The following FBLN5 variants were observed in gnomAD, a reference collection of about 807,000 sequenced individuals.
FBLN5 encodes the protein fibulin-5.
A neutral mutation model predicts 61.6 loss-of-function variants in FBLN5; 24 were observed. The observed-to-expected ratio is 0.39, with a 90% CI of 0.28 to 0.55. The LOEUF is 0.55. FBLN5 is among the 20% of genes least tolerant of loss of function. The pLI is 0.65. For missense variants in FBLN5, 470 were observed against 594.1 expected (o/e 0.79, Z 2.17); for synonymous variants, 213 against 219.8 (o/e 0.97, Z 0.27).
chr14:91,930,613 G>C lies in FBLN5; in HGVS notation c.379+6334C>G, dbSNP rs566899791. On this transcript the variant is annotated intron_variant, in intron 4 of 10. Transcript: ENST00000342058. ...GAGTTTCAAGTTACAGACCAAGCCA[G>C]AGGACTGTATAAAAACTAAGAAAAG... 1.1e-4 allele frequency among the ~76,000 whole-genome samples: 17 copies of C among 152,326 alleles called. 1 individual carries two copies. Among genetic ancestry groups the C allele is most frequent in the African/African-American group, 4.1e-4 (17 of 41,582 alleles).
intron 9 of FBLN5, among the ~76,000 whole-genome samples, chr14:91,880,012 A>G (rs899046855): frequency 6.6e-6 from 1 of 152,216 alleles, no homozygotes; most frequent in African/African-American, 2.4e-5. Context: ...CAGGAACAGA[A>G]AGCCACTGTC....
chr14:91,875,429 T>C (rs149600048), intron 10 of FBLN5, among the ~76,000 whole-genome samples: 7 of 152,274 alleles, frequency 4.6e-5, no homozygotes, highest in Non-Finnish European at 1.0e-4. Context: ...GTATGAGACA[T>C]AGCCCCAGAA....
At position 91,882,939 on chromosome 14, in the gene FBLN5, TCCGGACAGCCTTA is replaced by T; in HGVS notation, c.862+2_862+14del. The T allele has an allele frequency of 6.2e-7, 1 of 1,613,246 alleles. No individual in the cohort carries two copies. Among genetic ancestry groups the T allele is most frequent in the Non-Finnish European group, 8.5e-7 (1 of 1,179,506 alleles). Reference sequence around the variant, plus strand: ...CACACATACACCCCAGCCAGGCCCCTCCGGACAGCCTTACCTTGGCAGCTTCGGTTGTCATCCA... The same window carrying T: ...CACACATACACCCCAGCCAGGCCCCTCCTTGGCAGCTTCGGTTGTCATCCA... On this transcript the variant is annotated splice_donor_variant and splice_donor_5th_base_variant and intron_variant, in intron 8 of 10. Transcript: ENST00000342058. LOFTEE classifies it high-confidence loss of function. This position sits in a 1 kb window ranked among gnomAD's most constrained non-coding sequence, Gnocchi z 4.9.
rs563729672 is a variant in FBLN5 at position 91,912,498 on chromosome 14, A to G, written c.380-17426T>C. 6.6e-5 allele frequency among the ~76,000 whole-genome samples: 10 copies of G among 152,196 alleles called. 1 individual carries two copies. In the South Asian group the frequency reaches 1.9e-3, roughly 28 times the overall value. ...TGTATCTACTAAAAATACAAAAATT[A>G]GCCAGGCGTGGTGGCACACACCTGT... On this transcript the variant is annotated intron_variant, in intron 4 of 10. Coordinates refer to ENST00000342058, the MANE Select transcript of FBLN5 (RefSeq NM_006329.4).
intron 10 of FBLN5, among the ~76,000 whole-genome samples, chr14:91,877,260 C>T (rs1889208413): frequency 6.6e-6 from 1 of 152,186 alleles, no homozygotes; most frequent in South Asian, 2.1e-4. Flanking sequence ...CTTGGCCTAA[C>T]TTCCCATTTC....
At chr14:91,876,641 T>G (rs1889175510) in intron 10 of FBLN5, among the ~76,000 whole-genome samples, 1 of 152,090 alleles carries the variant, frequency 6.6e-6, no homozygotes, top group African/African-American at 2.4e-5. Flanking sequence ...ATTGGAGTGA[T>G]GCAGCCACAG....
intron 4 of FBLN5, among the ~76,000 whole-genome samples, chr14:91,908,427 C>A (rs1890774263): frequency 6.6e-6 from 1 of 152,188 alleles, no homozygotes; most frequent in Non-Finnish European, 1.5e-5. Flanking sequence ...GCTTCTATCA[C>A]CCTCTCTTGG....
At chr14:91,907,673 G>C (rs994536470) in intron 4 of FBLN5, among the ~76,000 whole-genome samples, 13 of 151,982 alleles carry the variant, frequency 8.6e-5, no homozygotes, top group African/African-American at 3.1e-4. Context: ...AAAAGAGAAC[G>C]AGGAGGATAA....
intron 10 of FBLN5, among the ~76,000 whole-genome samples, chr14:91,872,051 G>T (rs1241860287): frequency 6.6e-6 from 1 of 152,122 alleles, no homozygotes; most frequent in African/African-American, 2.4e-5. Context: ...GAGAAATATT[G>T]ATCTAAAAGC....
rs572383554 is a variant in FBLN5 at position 91,904,945 on chromosome 14, G to A, written c.380-9873C>T. On this transcript the variant is annotated intron_variant, in intron 4 of 10. Coordinates refer to ENST00000342058, the MANE Select transcript of FBLN5 (RefSeq NM_006329.4). ...AACTTTATTCTCAACAATCATAGGA[G>A]GGAGGAGCATCATAGAAGGGAAAAG... Among the ~76,000 whole-genome samples the A allele has an allele frequency of 2.6e-5, 4 of 152,276 alleles. No homozygotes were observed. The East Asian group carries it at 5.8e-4, about 22-fold the overall frequency.
chr14:91,947,044 T>C lies in FBLN5; in HGVS notation c.17+169A>G. On this transcript the variant is annotated intron_variant, in intron 1 of 10. Coordinates refer to ENST00000342058, the MANE Select transcript of FBLN5 (RefSeq NM_006329.4). The surrounding 1 kb of genome is among the most constrained non-coding windows in gnomAD (Gnocchi z 4.3). ...CAAAAGAACGCTTCAAGATGGAAAT[T>C]ACAGAGGCGCAGCTTTTTATAATTA... The C allele has an allele frequency of 6.5e-7, 1 of 1,538,006 alleles. No individual in the cohort carries two copies. Among genetic ancestry groups the C allele is most frequent in the Non-Finnish European group, 8.8e-7 (1 of 1,141,136 alleles).
intron 5 of FBLN5, 66 bp downstream of exon 5, chr14:91,894,884 C>A: frequency 7.4e-7 from 1 of 1,347,274 alleles, no homozygotes; most frequent in Non-Finnish European, 9.9e-7. Flanking sequence ...TATGCCCATA[C>A]CTCAAAATGC....
intron 4 of FBLN5, among the ~76,000 whole-genome samples, chr14:91,899,693 C>T (rs1890378108): frequency 6.6e-6 from 1 of 152,232 alleles, no homozygotes; most frequent in Admixed American, 6.5e-5. Context: ...ATTTGGGAAA[C>T]TCTTTTAGGA....
chr14:91,886,567 A>G (rs1401680765), intron 7 of FBLN5, among the ~76,000 whole-genome samples: 4 of 152,244 alleles, frequency 2.6e-5, no homozygotes, highest in African/African-American at 9.6e-5. Flanking sequence ...ATAAAAGGTC[A>G]ACTAACCCAT....
At position 91,883,000 on chromosome 14, in the gene FBLN5, G is replaced by T. The variant is rs865864408; in HGVS notation, c.816C>A (p.Ser272=). 4 of 1,614,018 alleles carry T rather than the reference G, an allele frequency of 2.5e-6. No individual in the cohort carries two copies. The highest frequency in any genetic ancestry group is 2.2e-5 in the South Asian group (2 of 91,088). Residue 272 remains serine (S), a synonymous_variant, in exon 8 of 11, where the codon TCC becomes TCA. Coordinates refer to ENST00000342058, the MANE Select transcript of FBLN5 (RefSeq NM_006329.4). The surrounding 1 kb of genome is among the most constrained non-coding windows in gnomAD (Gnocchi z 4.9). ...CVNQPGTYFC[S]CPPGYILLDD... ...CCAGCAGGATGTAGCCTGGAGGGCA[G>T]GAGCAGAAGTATGTGCCGGGCTGGT...
intron 7 of FBLN5, 61 bp downstream of exon 7, chr14:91,887,132 C>G: frequency 1.3e-6 from 2 of 1,596,998 alleles, no homozygotes; most frequent in Non-Finnish European, 8.6e-7. Context: ...AAGCCCTTGC[C>G]CTTCAACCCC....
chr14:91,899,168 C>T (rs1702547279), intron 4 of FBLN5, among the ~76,000 whole-genome samples: 2 of 151,168 alleles, frequency 1.3e-5, no homozygotes, highest in African/African-American at 4.9e-5. Flanking sequence ...GTGTGTCCTC[C>T]CCAGCCTCCA....
At chr14:91,920,967 C>A (rs1433052767) in intron 4 of FBLN5, among the ~76,000 whole-genome samples, 2 of 152,184 alleles carry the variant, frequency 1.3e-5, no homozygotes, top group African/African-American at 4.8e-5. Flanking sequence ...TCTTCTGAAG[C>A]CAAAGGCTAG....
At chr14:91,936,312 C>G (rs939862445) in intron 4 of FBLN5, among the ~76,000 whole-genome samples, 1 of 152,244 alleles carries the variant, frequency 6.6e-6, no homozygotes. Context: ...TGACTATTCA[C>G]AGGCGCGATC....
Sources: allele counts gnomAD v4.1 joint callset (sites outside exome capture counted in the v4.1 genomes callset), GRCh38; gene constraint gnomAD v4.1.1; non-coding constraint Gnocchi (gnomAD v3.1); transcripts MANE v1.5; gene names NCBI Gene and HGNC (gene_info 2026-07-23, HGNC 2026-07-21).